CHST15: variants seen among roughly 807,000 people sequenced by gnomAD.
CHST15 encodes the protein B cell RAG associated protein (GALNAC4S-6ST).
Under a neutral mutation model 53.6 loss-of-function variants are expected in CHST15, and 30 were observed. That is an observed-to-expected ratio of 0.56 (90% CI 0.42 to 0.76). The LOEUF (loss-of-function observed/expected upper bound fraction) is 0.76, where lower values mean the gene tolerates loss of function less well. Ranked by LOEUF, CHST15 falls within the 30% of genes least tolerant of loss-of-function variation. The pLI, the probability that CHST15 is intolerant of heterozygous loss-of-function variation, is 0.00. For missense variants in CHST15, 627 were observed against 740.5 expected (o/e 0.85, Z 1.78); for synonymous variants, 296 against 289.8 (o/e 1.02, Z -0.22).
intron 1 of CHST15, among the ~76,000 whole-genome samples, chr10:124,088,947 A>T (rs1949523537): frequency 6.6e-6 from 1 of 152,212 alleles, no homozygotes. Context: ...GTCTACACAT[A>T]AATCATTTTG....
chr10:124,065,905 G>A (rs1948737756), intron 1 of CHST15, among the ~76,000 whole-genome samples: 1 of 151,848 alleles, frequency 6.6e-6, no homozygotes, highest in Non-Finnish European at 1.5e-5. Flanking sequence ...CTGAGCTCAG[G>A]ACAAAAAAGA....
At chr10:124,056,783 T>C (rs983662807) in intron 1 of CHST15, among the ~76,000 whole-genome samples, 39 of 146,482 alleles carry the variant, frequency 2.7e-4, no homozygotes, top group African/African-American at 9.7e-4. Flanking sequence ...GACCGGACAC[T>C]CCGCGGCCCA....
At chr10:124,057,719 A>G (rs1186304768) in intron 1 of CHST15, among the ~76,000 whole-genome samples, 1 of 152,246 alleles carries the variant, frequency 6.6e-6, no homozygotes, top group African/African-American at 2.4e-5. Context: ...AAGCGTGGTA[A>G]CAACAGCAGT....
rs1462086920 is a variant in CHST15, at chr10:124,046,029, T to C, written c.184A>G (p.Thr62Ala). The stretch of plus-strand genomic sequence containing the variant: ...CCACCCCAGTTTTCGTTCCCTTCAG[T>C]CCTCACTTCGAGAACAGCAAGCAAG... ...MNLLAVLEVR[T>A]EGNENWGGFL... The change falls in exon 2 of 8, where the codon ACT becomes GCT. Residue 62 changes from threonine (T) to alanine (A), a missense_variant. Coordinates refer to ENST00000435907, the MANE Select transcript of CHST15 (RefSeq NM_001270764.2). 2 of 1,614,108 alleles carry C rather than the reference T, an allele frequency of 1.2e-6. No homozygotes were observed. The highest frequency in any genetic ancestry group is 2.7e-5 in the African/African-American group (2 of 74,936).
rs931407307 is a variant in CHST15, at chr10:124,065,202, G to A, written c.-512-18478C>T. Among the ~76,000 whole-genome samples, 8 of 152,140 alleles carry A rather than the reference G, an allele frequency of 5.3e-5. No homozygotes were observed. In the East Asian group the frequency reaches 5.8e-4, roughly 11 times the overall value. On this transcript the variant is annotated intron_variant, in intron 1 of 7. Transcript: ENST00000435907. ...AGTTCAAGACCAGCCTGGGCAACAA[G>A]GCAAAACCCCATCTCTACAAAAAAT... is the stretch of plus-strand genomic sequence containing the variant.
intron 1 of CHST15, among the ~76,000 whole-genome samples, chr10:124,051,798 C>G (rs1457625950): frequency 6.6e-6 from 1 of 152,148 alleles, no homozygotes; most frequent in Non-Finnish European, 1.5e-5. Context: ...CCATTTATAA[C>G]AAAATTGTAA....
intron 7 of CHST15, chr10:124,011,176 C>T: frequency 6.9e-6 from 6 of 866,392 alleles, no homozygotes; most frequent in Non-Finnish European, 8.3e-6. Context: ...GCCACAGCTT[C>T]TTGGTGTAAC....
chr10:124,045,131 A>AAAAC (rs1564882233), intron 2 of CHST15, among the ~76,000 whole-genome samples: 23 of 111,768 alleles, frequency 2.1e-4, no homozygotes, highest in East Asian at 1.9e-3. Flanking sequence ...AAAAAAAAAA[A>AAAAC]AAAAAAAAAA....
chr10:124,072,667 G>A, intron 1 of CHST15, among the ~76,000 whole-genome samples: 1 of 152,202 alleles, frequency 6.6e-6, no homozygotes, highest in East Asian at 1.9e-4. Flanking sequence ...GAGCCTGGAG[G>A]CTTTGCTTCA....
intron 3 of CHST15, among the ~76,000 whole-genome samples, chr10:124,043,150 T>C (rs572787060): frequency 6.6e-6 from 1 of 152,290 alleles, no homozygotes; most frequent in Admixed American, 6.5e-5. Context: ...CAATGGAAAT[T>C]GGAAAGAGAA....
At chr10:124,039,086 C>T (rs1487536613) in intron 4 of CHST15, among the ~76,000 whole-genome samples, 1 of 152,142 alleles carries the variant, frequency 6.6e-6, no homozygotes, top group Non-Finnish European at 1.5e-5. Flanking sequence ...CACGCCAAAA[C>T]ATAAACAGCA....
intron 7 of CHST15, chr10:124,010,574 G>A (rs1946382937): frequency 1.0e-6 from 1 of 985,384 alleles, no homozygotes; most frequent in Non-Finnish European, 1.2e-6. Flanking sequence ...GCCCACCCTC[G>A]GGGGAGCCCA....
At chr10:124,014,563 C>T (rs926642060) in intron 6 of CHST15, among the ~76,000 whole-genome samples, 2 of 152,320 alleles carry the variant, frequency 1.3e-5, no homozygotes, top group African/African-American at 4.8e-5. Flanking sequence ...CATGTGTTGT[C>T]ACCTCCAACG....
chr10:124,072,852 T>C lies in CHST15; in HGVS notation c.-513+20617A>G, dbSNP rs147983109. Among the ~76,000 whole-genome samples the C allele has an allele frequency of 5.3e-5, 8 of 152,284 alleles. No homozygotes were observed. In the East Asian group the frequency reaches 1.5e-3, roughly 29 times the overall value. The stretch of plus-strand genomic sequence containing the variant: ...TCTTTCTGGGGCATCCCAGAAGCCT[T>C]ATCTCTTCCAGTGCACCCATTCAAT... On this transcript the variant is annotated intron_variant, in intron 1 of 7. Transcript: ENST00000435907.
intron 1 of CHST15, among the ~76,000 whole-genome samples, chr10:124,057,521 G>A (rs796588093): frequency 8.5e-5 from 13 of 152,256 alleles, no homozygotes; most frequent in African/African-American, 1.4e-4. Flanking sequence ...GTGTCCGTTC[G>A]TACAGACAAA....
intron 1 of CHST15, among the ~76,000 whole-genome samples, chr10:124,083,882 C>G (rs1724546354): frequency 6.6e-6 from 1 of 152,186 alleles, no homozygotes; most frequent in African/African-American, 2.4e-5. Context: ...GAGGATCACG[C>G]CACCATGGGT....
rs888637934 is a variant in CHST15, at chr10:124,092,915, CCTT to C, written c.-513+551_-513+553del. Among the ~76,000 whole-genome samples, 7 of 152,242 alleles carry C rather than the reference CCTT, an allele frequency of 4.6e-5. 1 individual carries two copies. The highest frequency in any genetic ancestry group is 3.3e-4 in the Admixed American group (5 of 15,294). ...GCGCCCCGATTCCGACTACTGGGCT[CCTT>C]CTCCCGGACAGCCCGCCGGTGCGTT... is the stretch of plus-strand genomic sequence containing the variant. On this transcript the variant is annotated intron_variant, in intron 1 of 7. Coordinates refer to ENST00000435907, the MANE Select transcript of CHST15 (RefSeq NM_001270764.2).
At chr10:124,029,410 C>T (rs1947132953) in intron 5 of CHST15, among the ~76,000 whole-genome samples, 1 of 152,232 alleles carries the variant, frequency 6.6e-6, no homozygotes, top group Admixed American at 6.5e-5. Context: ...AAATGAATGG[C>T]AGGTGCCCTG....
chr10:124,032,518 C>T (rs944078173), intron 5 of CHST15, among the ~76,000 whole-genome samples: 1 of 152,188 alleles, frequency 6.6e-6, no homozygotes, highest in Non-Finnish European at 1.5e-5. Context: ...AATTAAGAGA[C>T]AAACACTATC....
Sources: allele counts gnomAD v4.1 joint callset (sites outside exome capture counted in the v4.1 genomes callset), GRCh38; gene constraint gnomAD v4.1.1; transcripts MANE v1.5; gene names NCBI Gene and HGNC (gene_info 2026-07-23, HGNC 2026-07-21).